The following RNF213 variants were observed in gnomAD, a reference collection of about 807,000 sequenced individuals.
The protein encoded by RNF213 is ring finger protein 213.
A neutral mutation model predicts 514.4 loss-of-function variants in RNF213; 341 were observed. The observed-to-expected ratio is 0.66, with a 90% confidence interval of 0.61 to 0.73. The LOEUF is 0.73. RNF213 is among the 30% of genes least tolerant of loss of function. The pLI, the probability that RNF213 is intolerant of heterozygous loss-of-function variation, is 0.00. For missense variants in RNF213, 5,767 were observed against 6,615.6 expected (o/e 0.87, Z 4.45); for synonymous variants, 2,655 against 2,658.2 (o/e 1.00, Z 0.04).
At chr17:80,280,251 A>G (rs1227820115) in intron 3 of RNF213, among the ~76,000 whole-genome samples, 1 of 152,190 alleles carries the variant, frequency 6.6e-6, no homozygotes, top group Non-Finnish European at 1.5e-5. Flanking sequence ...TTGTAAAATA[A>G]AGGATGGATT....
Position 80,299,412 on chromosome 17 carries a change from CCAT to C in RNF213, c.2210+895_2210+897del, listed in dbSNP as rs537902873. Among the ~76,000 whole-genome samples the C allele has an allele frequency of 1.8e-4, 28 of 152,184 alleles. 1 individual carries two copies. The East Asian group carries it at 5.2e-3, about 28-fold the overall frequency. On this transcript the variant is annotated intron_variant, in intron 11 of 67. Coordinates refer to ENST00000582970, the MANE Select transcript of RNF213 (RefSeq NM_001256071.3). ...GGTCAAAGGCATTGTGAACTCTAAA[CCAT>C]TTATACCTTTGCATAATGCTGGCTT...
At chr17:80,270,199 G>T (rs1292591293) in intron 2 of RNF213, among the ~76,000 whole-genome samples, 1 of 152,240 alleles carries the variant, frequency 6.6e-6, no homozygotes, top group Admixed American at 6.5e-5. Context: ...CTCTAGTGGA[G>T]GACGGACCTC....
chr17:80,283,543 C>T (rs528691924), intron 3 of RNF213, among the ~76,000 whole-genome samples: 9 of 152,340 alleles, frequency 5.9e-5, no homozygotes, highest in African/African-American at 1.9e-4. Flanking sequence ...CCTCCAGCCT[C>T]CCCGGGCTCT....
intron 1 of RNF213, among the ~76,000 whole-genome samples, chr17:80,261,136 A>G (rs1292198260): frequency 6.6e-6 from 1 of 151,770 alleles, no homozygotes; most frequent in Non-Finnish European, 1.5e-5. Flanking sequence ...GGGTGGGGGC[A>G]GCGGGCACGC....
intron 14 of RNF213, among the ~76,000 whole-genome samples, chr17:80,310,752 A>G (rs966783963): frequency 2.6e-5 from 4 of 151,822 alleles, no homozygotes; most frequent in African/African-American, 9.7e-5. Context: ...GGATTTCTAC[A>G]TGTTGGTCAG....
In RNF213 at chr17:80,343,835, C is replaced by T; in HGVS notation, c.6184-22C>T. On this transcript the variant is annotated intron_variant, in intron 27 of 67. Coordinates refer to ENST00000582970, the MANE Select transcript of RNF213 (RefSeq NM_001256071.3). This position sits in a 1 kb window ranked among gnomAD's most constrained non-coding sequence, Gnocchi z 4.3. ...CTCGCCATCGTGTCGTGTGTTTACA[C>T]CTCGTGCGATTCTGTTCTTAGGTGC... 2 of 1,613,970 alleles carry T rather than the reference C, an allele frequency of 1.2e-6. No individual in the cohort carries two copies. Among genetic ancestry groups the T allele is most frequent in the Non-Finnish European group, 1.7e-6 (2 of 1,179,910 alleles).
At chr17:80,279,688 C>T (rs980546316) in intron 3 of RNF213, among the ~76,000 whole-genome samples, 4 of 151,938 alleles carry the variant, frequency 2.6e-5, no homozygotes, top group Non-Finnish European at 4.4e-5. Flanking sequence ...AGGCTGGTCT[C>T]GAACTCCTGG....
chr17:80,383,600 T>C (rs2080109949), intron 58 of RNF213, 77 bp from the exon 59 acceptor site: 1 of 1,456,310 alleles, frequency 6.9e-7, no homozygotes, highest in Non-Finnish European at 9.6e-7. Flanking sequence ...CACCCACTGG[T>C]GGAGTTACTG....
chr17:80,381,084 T>C, intron 56 of RNF213, 97 bp downstream of exon 56: 1 of 1,245,006 alleles, frequency 8.0e-7, no homozygotes, highest in Non-Finnish European at 1.2e-6. Context: ...CTGCCATCTA[T>C]GCGTTTTGGA....
chr17:80,343,191 A>G lies in RNF213; in HGVS notation c.6049A>G (p.Asn2017Asp). Residue 2017 changes from asparagine to aspartate, a missense_variant, in exon 27 of 68, where the codon AAT (asparagine) becomes GAT (aspartate). Physicochemically the swap from Asn to Asp is conservative, Grantham distance 23. Transcript: ENST00000582970. This position sits in a 1 kb window ranked among gnomAD's most constrained non-coding sequence, Gnocchi z 4.3. Reference protein sequence around the residue: ...DKMKMQLNVKNVPLKTIRLID... With the variant: ...DKMKMQLNVKDVPLKTIRLID... ...AATGAAGATGCAGTTAAACGTGAAA[A>G]ATGTGCCTCTGAAAACAATTCGACT... 6.2e-7 allele frequency: 1 copy of G among 1,614,054 alleles called. No homozygotes were observed. The highest frequency in any genetic ancestry group is 8.5e-7 in the Non-Finnish European group (1 of 1,179,982).
intron 6 of RNF213, 146 bp from the exon 7 acceptor site, chr17:80,290,423 GA>G (rs1568019180): frequency 7.6e-6 from 7 of 921,496 alleles, no homozygotes; most frequent in African/African-American, 6.6e-5. Flanking sequence ...GCGTGTGTGC[GA>G]GTGTGCGCGT....
chr17:80,343,568 C>T lies in RNF213; in HGVS notation c.6183+243C>T, dbSNP rs551817488. Among the ~76,000 whole-genome samples the T allele has an allele frequency of 3.3e-5, 5 of 152,326 alleles. No homozygotes were observed. Among genetic ancestry groups the T allele is most frequent in the East Asian group, 1.9e-4 (1 of 5,180 alleles). ...CACTGCACACACAGGCTTTATGGTA[C>T]ACACTGTCGCTCCTAGGCCGCAAAC... is the stretch of plus-strand genomic sequence containing the variant. On this transcript the variant is annotated intron_variant, in intron 27 of 67. Coordinates refer to ENST00000582970, the MANE Select transcript of RNF213 (RefSeq NM_001256071.3). The surrounding 1 kb of genome is among the most constrained non-coding windows in gnomAD (Gnocchi z 4.3).
rs974569910 is a variant in RNF213 at position 80,354,653 on chromosome 17, C to T, written c.10862+77C>T. On this transcript the variant is annotated intron_variant, in intron 36 of 67. Transcript: ENST00000582970. ...GGACCTGCCTGCAGGGATCCTCTCT[C>T]CATCCGGGCCATGGGGACTGAGCTG... 7 of 1,541,472 alleles carry T rather than the reference C, an allele frequency of 4.5e-6. No individual in the cohort carries two copies. The African/African-American group carries it at 9.5e-5, about 21-fold the overall frequency.
chr17:80,305,197 T>TTTTTTTTTTTTTA (rs1598966815), intron 11 of RNF213, among the ~76,000 whole-genome samples: 11 of 151,018 alleles, frequency 7.3e-5, no homozygotes, highest in South Asian at 4.2e-4. Flanking sequence ...TTTTTTTTTT[T>TTTTTTTTTTTTTA]GAGACAGTTT....
chr17:80,274,229 G>A lies in RNF213; in HGVS notation c.261+825G>A, dbSNP rs937904223. 2.0e-5 allele frequency among the ~76,000 whole-genome samples: 3 copies of A among 152,036 alleles called. No homozygotes were observed. In the East Asian group the frequency reaches 5.8e-4, roughly 30 times the overall value. On this transcript the variant is annotated intron_variant, in intron 3 of 67. Coordinates refer to ENST00000582970, the MANE Select transcript of RNF213 (RefSeq NM_001256071.3). The stretch of plus-strand genomic sequence containing the variant: ...CTGGCAGGTTACCCTTCTTGGAAGG[G>A]TATGGCTGAGCCACCTTTTGGCTCC...
chr17:80,360,849 C>T (rs1460945189), intron 38 of RNF213, among the ~76,000 whole-genome samples: 2 of 152,170 alleles, frequency 1.3e-5, no homozygotes, highest in African/African-American at 4.8e-5. Flanking sequence ...TCAGGGTGGC[C>T]TTCTTTTCTA....
At chr17:80,302,877 A>G (rs1168665953) in intron 11 of RNF213, among the ~76,000 whole-genome samples, 1 of 152,166 alleles carries the variant, frequency 6.6e-6, no homozygotes, top group Admixed American at 6.5e-5. Flanking sequence ...GTAACCACAA[A>G]CTTTCTCTTT....
At position 80,263,680 on chromosome 17, in the gene RNF213, C is replaced by A; in HGVS notation, c.-2C>A. 6.2e-7 allele frequency: 1 copy of A among 1,613,308 alleles called. No homozygotes were observed. The highest frequency in any genetic ancestry group is 1.3e-5 in the African/African-American group (1 of 75,044). ...ATCTGCAGGGCAGTCCCAGCAGGACCCATGGAGTGTCCTTCGTGCCAGCAT... is the reference window on the plus strand; with the variant it reads ...ATCTGCAGGGCAGTCCCAGCAGGACACATGGAGTGTCCTTCGTGCCAGCAT... On this transcript the variant is annotated 5_prime_UTR_variant, in exon 2 of 68. Coordinates refer to ENST00000582970, the MANE Select transcript of RNF213 (RefSeq NM_001256071.3). This position sits in a 1 kb window ranked among gnomAD's most constrained non-coding sequence, Gnocchi z 4.9.
At chr17:80,386,193 A>G (rs1023223227) in intron 61 of RNF213, 57 bp from the exon 62 acceptor site, 26 of 1,540,284 alleles carry the variant, frequency 1.7e-5, no homozygotes, top group Middle Eastern at 3.3e-4. Context: ...CCCCACGCCT[A>G]GATTCTGTGA....
Sources: gnomAD v4.1 joint callset for allele counts (sites outside exome capture counted in the v4.1 genomes callset) on GRCh38, gnomAD v4.1.1 for gene constraint, Gnocchi (gnomAD v3.1) non-coding constraint, MANE v1.5 for transcripts, NCBI Gene and HGNC (gene_info 2026-07-23, HGNC 2026-07-21) for gene names.